Variants in SLC17A3 observed in about 807,000 individuals in gnomAD.
SLC17A3 encodes the protein solute carrier family 17 member 3, also known as sodium-dependent phosphate transport protein 4.
A neutral mutation model predicts 60.3 loss-of-function variants in SLC17A3; 61 were observed. That is an observed-to-expected ratio of 1.01 (90% CI 0.82 to 1.25). SLC17A3 has a LOEUF of 1.25. Ranked by LOEUF, SLC17A3 falls within the 50% of genes most tolerant of loss-of-function variation. SLC17A3 has a pLI of 0.00. For synonymous variants in SLC17A3, 192 were observed against 208.9 expected (o/e 0.92, Z 0.70); for missense variants, 624 against 594.9 (o/e 1.05, Z -0.51).
chr6:25,849,337 A>G (rs373512060), intron 11 of SLC17A3, 37 bp downstream of exon 11: 151 of 1,127,860 alleles, frequency 1.3e-4, no homozygotes, highest in Non-Finnish European at 2.0e-4. Context: ...GATTTAGCAG[A>G]GCATCTTTGG....
chr6:25,850,368 AAATACATTT>A (rs778419490), intron 8 of SLC17A3, 82 bp downstream of exon 8: 1 of 1,446,296 alleles, frequency 6.9e-7, no homozygotes, highest in Non-Finnish European at 9.7e-7. Context: ...TGGTAATAAG[AAATACATTT>A]CTCAGATGGA....
At chr6:25,862,493 A>G (rs762844729) in intron 2 of SLC17A3, 49 bp from the exon 3 acceptor site, 12 of 1,449,714 alleles carry the variant, frequency 8.3e-6, no homozygotes, top group African/African-American at 7.0e-5. Context: ...TTGAGCTAAC[A>G]TTAGTTTTTC....
intron 8 of SLC17A3, 132 bp from the exon 9 acceptor site, chr6:25,850,309 C>G: frequency 7.5e-7 from 1 of 1,325,258 alleles, no homozygotes; most frequent in Non-Finnish European, 1.1e-6. Flanking sequence ...CCTCTTAAAT[C>G]ATACCCCAGA....
chr6:25,850,403 A>G (rs766966351), intron 8 of SLC17A3, 56 bp downstream of exon 8: 9 of 1,516,254 alleles, frequency 5.9e-6, no homozygotes, highest in South Asian at 3.4e-5. Context: ...TAGTGAGGGC[A>G]GAGTAATTGG....
chr6:25,848,339 G>T (rs764164758), intron 11 of SLC17A3, among the ~76,000 whole-genome samples: 3 of 152,144 alleles, frequency 2.0e-5, no homozygotes, highest in African/African-American at 4.8e-5. Context: ...TTTCATGCTG[G>T]TTGTACTAGT....
chr6:25,869,982 G>T (rs145090701), intron 1 of SLC17A3, among the ~76,000 whole-genome samples: 5 of 151,922 alleles, frequency 3.3e-5, no homozygotes, highest in African/African-American at 1.2e-4. Context: ...CCACCCCATG[G>T]CTATATCACA....
At chr6:25,862,210 A>G (rs1765461513) in intron 3 of SLC17A3, 23 bp downstream of exon 3, 3 of 1,595,884 alleles carry the variant, frequency 1.9e-6, no homozygotes, top group South Asian at 1.1e-5. Flanking sequence ...GAAAAGCACA[A>G]ATTTATATCT....
chr6:25,868,458 G>C, intron 1 of SLC17A3, 38 bp from the exon 2 acceptor site: 1 of 1,287,058 alleles, frequency 7.8e-7, no homozygotes, highest in African/African-American at 1.5e-5. Flanking sequence ...CATCAGTTGA[G>C]AGAAAGAGAC....
intron 11 of SLC17A3, among the ~76,000 whole-genome samples, chr6:25,845,726 A>G (rs912565117): frequency 1.9e-4 from 29 of 152,248 alleles, no homozygotes; most frequent in African/African-American, 7.0e-4. Flanking sequence ...ATTAATCTAC[A>G]TAAATGCATT....
rs370136832 is a variant in SLC17A3, at chr6:25,862,216, T to C, written c.303+17A>G. On this transcript the variant is annotated intron_variant, in intron 3 of 12. Coordinates refer to ENST00000397060, the MANE Select transcript of SLC17A3 (RefSeq NM_001098486.2). ...CAGCAAAAAGAAAAGCACAAATTTA[T>C]ATCTTATGTTGCTTACCTTTGCAGG... 1.6e-5 allele frequency: 26 copies of C among 1,597,780 alleles called. No homozygotes were observed. The highest frequency in any genetic ancestry group is 2.7e-5 in the African/African-American group (2 of 74,484).
Position 25,862,029 on chromosome 6 carries a change from C to A in SLC17A3, c.304G>T (p.Ala102Ser). 6.3e-7 allele frequency: 1 copy of A among 1,597,496 alleles called. No homozygotes were observed. The highest frequency in any genetic ancestry group is 1.7e-4 in the Middle Eastern group (1 of 6,040). Residue 102 changes from alanine (A) to serine (S), a missense_variant and splice_region_variant, in exon 4 of 13, where the codon GCT becomes TCT. Coordinates refer to ENST00000397060, the MANE Select transcript of SLC17A3 (RefSeq NM_001098486.2). Reference protein sequence around the residue: ...SKAPKSLPAKAPVYDWSPQIQ... With the variant: ...SKAPKSLPAKSPVYDWSPQIQ... ...TGAGGAGACCAGTCATACACAGGAG[C>A]CTTAGAGAAACAGAGAATGCTGTAG...
intron 6 of SLC17A3, among the ~76,000 whole-genome samples, chr6:25,852,511 T>C (rs1042318266): frequency 5.3e-5 from 8 of 152,144 alleles, no homozygotes; most frequent in Admixed American, 1.3e-4. Flanking sequence ...CATTTTAATA[T>C]TATAATTTTC....
At chr6:25,851,263 T>TA (rs1206022976) in intron 6 of SLC17A3, among the ~76,000 whole-genome samples, 1 of 151,890 alleles carries the variant, frequency 6.6e-6, no homozygotes, top group Non-Finnish European at 1.5e-5. Context: ...TTTGGTTTTT[T>TA]ATTATTGAGT....
chr6:25,872,755 C>T (rs1003180455), intron 1 of SLC17A3, among the ~76,000 whole-genome samples: 5 of 151,886 alleles, frequency 3.3e-5, no homozygotes, highest in South Asian at 2.1e-4. Flanking sequence ...ATCTGCATTG[C>T]CACTGCCTCT....
chr6:25,845,959 A>G (rs1765167296), intron 11 of SLC17A3, among the ~76,000 whole-genome samples: 1 of 152,216 alleles, frequency 6.6e-6, no homozygotes, highest in Non-Finnish European at 1.5e-5. Context: ...AGGGAATGAA[A>G]ATAATAAAAT....
rs375138029 is a variant in SLC17A3 at position 25,868,325 on chromosome 6, T to A, written c.63A>T (p.Gln21His). 1.9e-6 allele frequency: 3 copies of A among 1,612,064 alleles called. No individual in the cohort carries two copies. The African/African-American group carries it at 4.0e-5, about 22-fold the overall frequency. Residue 21 changes from glutamine to histidine, a missense_variant, in exon 2 of 13, where the codon CAA becomes CAT. Coordinates refer to ENST00000397060, the MANE Select transcript of SLC17A3 (RefSeq NM_001098486.2). Reference sequence around the variant, plus strand: ...TCCTGGGGATCAGTGTCTCATCCACTTGCATATCTTGTGCGTTCTTGCTCT... The same window carrying A: ...TCCTGGGGATCAGTGTCTCATCCACATGCATATCTTGTGCGTTCTTGCTCT... ...ARESKNAQDM[Q>H]VDETLIPRKV...
chr6:25,869,559 T>G (rs970152537), intron 1 of SLC17A3, among the ~76,000 whole-genome samples: 1 of 151,922 alleles, frequency 6.6e-6, no homozygotes, highest in Non-Finnish European at 1.5e-5. Context: ...AAAAGAGGTT[T>G]AATGGACTCA....
chr6:25,850,322 A>G, intron 8 of SLC17A3, 137 bp downstream of exon 8: 1 of 1,302,700 alleles, frequency 7.7e-7, no homozygotes, highest in Non-Finnish European at 1.1e-6. Context: ...ACCCCAGAAA[A>G]GCTACTGGCA....
chr6:25,872,622 G>A (rs1428619230), intron 1 of SLC17A3, among the ~76,000 whole-genome samples: 1 of 149,120 alleles, frequency 6.7e-6, no homozygotes, highest in Non-Finnish European at 1.5e-5. Context: ...TGCTTTTCAG[G>A]CATGAAAACC....
Sources: allele counts gnomAD v4.1 joint callset (sites outside exome capture counted in the v4.1 genomes callset), GRCh38; gene constraint gnomAD v4.1.1; transcripts MANE v1.5; gene names NCBI Gene and HGNC (gene_info 2026-07-23, HGNC 2026-07-21).